ZFHX3: variants seen among roughly 807,000 people sequenced by gnomAD.
ZFHX3 encodes zinc finger homeobox 3, also known as zinc finger homeobox protein 3.
Under a neutral mutation model 279.1 loss-of-function variants are expected in ZFHX3, and 42 were observed. The observed-to-expected ratio is 0.15, with a 90% CI of 0.12 to 0.19. The LOEUF (loss-of-function observed/expected upper bound fraction) is 0.19. Ranked by LOEUF, ZFHX3 falls within the 10% of genes least tolerant of loss-of-function variation. The probability of loss-of-function intolerance (pLI) is 1.00; values close to 1 mark genes in which losing one functional copy is unlikely to be tolerated. For missense variants in ZFHX3, 4,981 were observed against 4,754.0 expected (o/e 1.05, Z -1.40); for synonymous variants, 2,293 against 1,957.8 (o/e 1.17, Z -4.52).
In ZFHX3 at chr16:73,489,463, T is replaced by C. The variant is rs531201360; in HGVS notation, c.-1546-33205A>G. Among the ~76,000 whole-genome samples, 4 of 152,326 alleles carry C rather than the reference T, an allele frequency of 2.6e-5. No homozygotes were observed. The South Asian group carries it at 6.2e-4, about 24-fold the overall frequency. On this transcript the variant is annotated intron_variant, in intron 2 of 17. Coordinates refer to the ZFHX3 transcript ENST00000641206. ...TTCCAACTGAATCCAGCATAATTCA[T>C]AGAAGCACTAAGATTTGCCTTTCGA...
chr16:73,706,733 A>G (rs2053308698), intron 1 of ZFHX3, among the ~76,000 whole-genome samples: 1 of 152,148 alleles, frequency 6.6e-6, no homozygotes, highest in Non-Finnish European at 1.5e-5. Flanking sequence ...TATGAGAAAC[A>G]TAGTTCCCCA....
intron 4 of ZFHX3, among the ~76,000 whole-genome samples, chr16:73,293,104 T>C (rs1259868530): frequency 6.6e-6 from 1 of 152,150 alleles, no homozygotes; most frequent in Non-Finnish European, 1.5e-5. Context: ...CGATGTGTGT[T>C]TTAGACCAAC....
chr16:73,334,031 G>A (rs144678292), intron 3 of ZFHX3, among the ~76,000 whole-genome samples: 1 of 152,244 alleles, frequency 6.6e-6, no homozygotes, highest in African/African-American at 2.4e-5. Flanking sequence ...GAGGGAGAAT[G>A]TCCAGGATGC....
intron 1 of ZFHX3, among the ~76,000 whole-genome samples, chr16:73,688,734 G>GC (rs1347686138): frequency 6.6e-6 from 1 of 152,150 alleles, no homozygotes; most frequent in Non-Finnish European, 1.5e-5. Context: ...TTGAATTGCA[G>GC]CCCCCATAAT....
intron 4 of ZFHX3, among the ~76,000 whole-genome samples, chr16:73,287,433 G>A (rs1299803192): frequency 9.1e-5 from 13 of 142,552 alleles, no homozygotes; most frequent in African/African-American, 2.9e-4. Flanking sequence ...GGGTGTGTGG[G>A]CCAGTGTGTG....
chr16:73,849,836 G>A (rs1409076182), intron 1 of ZFHX3, among the ~76,000 whole-genome samples: 2 of 152,176 alleles, frequency 1.3e-5, no homozygotes, highest in Admixed American at 6.5e-5. Context: ...AGGTTCAAGC[G>A]GTTCTCCTGC....
At chr16:72,898,708 A>G (rs1345091063) in intron 3 of ZFHX3, among the ~76,000 whole-genome samples, 1 of 146,592 alleles carries the variant, frequency 6.8e-6, no homozygotes, top group East Asian at 2.0e-4. Flanking sequence ...TCAGGCATGC[A>G]TTTTTACCAT....
intron 3 of ZFHX3, among the ~76,000 whole-genome samples, chr16:73,349,845 T>G (rs2016204141): frequency 7.3e-6 from 1 of 136,904 alleles, no homozygotes; most frequent in Non-Finnish European, 1.6e-5. Flanking sequence ...TCCTTCCTTC[T>G]TCCCTCCCTC....
At chr16:73,117,184 TTTCC>T in intron 7 of ZFHX3, among the ~76,000 whole-genome samples, 1 of 152,300 alleles carries the variant, frequency 6.6e-6, no homozygotes, top group South Asian at 2.1e-4. Context: ...TTTTTCCTTC[TTTCC>T]TTCCCTCTTT....
At chr16:73,535,867 C>T (rs117397268) in intron 2 of ZFHX3, among the ~76,000 whole-genome samples, 1,937 of 151,852 alleles carry the variant, frequency 0.013, 18 homozygotes, top group Non-Finnish European at 0.02. Flanking sequence ...GGACTACAGG[C>T]GCTCCCCACT....
intron 4 of ZFHX3, among the ~76,000 whole-genome samples, chr16:73,280,478 A>G (rs1369002412): frequency 1.3e-5 from 2 of 152,228 alleles, no homozygotes; most frequent in African/African-American, 4.8e-5. Flanking sequence ...AAGAAGACAT[A>G]CAAATAACCA....
Position 73,483,207 on chromosome 16 carries a change from C to T in ZFHX3, c.-1546-26949G>A, listed in dbSNP as rs573262879. On this transcript the variant is annotated intron_variant, in intron 2 of 17. Transcript: ENST00000641206. Reference sequence around the variant, plus strand: ...ACCCCGGAGGAAGAGAACGCGTGGGCCCCTGCTCCAAGTGCCAGCGCACGC... The same window carrying T: ...ACCCCGGAGGAAGAGAACGCGTGGGTCCCTGCTCCAAGTGCCAGCGCACGC... 3.7e-4 allele frequency: 132 copies of T among 354,706 alleles called. 2 individuals carry two copies. Among genetic ancestry groups the T allele is most frequent in the South Asian group, 2.7e-3 (129 of 47,438 alleles). The allele number at this position is 354,706 out of a possible 1,614,324, so 22.0% of individuals were successfully genotyped here. A position where few individuals can be genotyped will look rare whatever the true frequency, so the allele number is the denominator to read the frequency against.
chr16:72,998,121 C>A (rs1310413601), intron 1 of ZFHX3, among the ~76,000 whole-genome samples: 1 of 152,120 alleles, frequency 6.6e-6, no homozygotes, highest in Non-Finnish European at 1.5e-5. Context: ...TAATTCAAGG[C>A]TAGGTGCGGT....
intron 2 of ZFHX3, among the ~76,000 whole-genome samples, chr16:73,558,040 T>G (rs563098213): frequency 6.6e-6 from 1 of 152,272 alleles, no homozygotes; most frequent in East Asian, 1.9e-4. Context: ...GGGCCTTCCC[T>G]CCTTCGGAAA....
intron 9 of ZFHX3, chr16:72,791,538 C>G (rs1169737658): frequency 1.3e-5 from 2 of 152,160 alleles, no homozygotes; most frequent in African/African-American, 4.8e-5. Flanking sequence ...TGGCTCCTAC[C>G]CTAGCTTGTT....
chr16:72,964,376 T>G (rs1342679209), intron 1 of ZFHX3, among the ~76,000 whole-genome samples: 1 of 152,206 alleles, frequency 6.6e-6, no homozygotes, highest in Non-Finnish European at 1.5e-5. Flanking sequence ...AGAAACTATT[T>G]ATAAGCATGG....
intron 2 of ZFHX3, among the ~76,000 whole-genome samples, chr16:73,638,483 G>C (rs536080058): frequency 1.4e-4 from 22 of 152,242 alleles, no homozygotes; most frequent in African/African-American, 5.3e-4. Flanking sequence ...TTTGCCCTAG[G>C]TATTTAAATG....
At chr16:73,022,644 A>G (rs1425299979) in intron 1 of ZFHX3, among the ~76,000 whole-genome samples, 1 of 152,098 alleles carries the variant, frequency 6.6e-6, no homozygotes, top group Non-Finnish European at 1.5e-5. Context: ...GCTGAAACTG[A>G]GTTTCAGTCC....
At chr16:73,224,723 A>C (rs2012538974) in intron 5 of ZFHX3, among the ~76,000 whole-genome samples, 1 of 152,224 alleles carries the variant, frequency 6.6e-6, no homozygotes. Context: ...ACACAGGCTC[A>C]TGTATGGAAA....
Sources: allele counts gnomAD v4.1 joint callset (sites outside exome capture counted in the v4.1 genomes callset), GRCh38; gene constraint gnomAD v4.1.1; transcripts MANE v1.5; gene names NCBI Gene and HGNC (gene_info 2026-07-23, HGNC 2026-07-21).